Variants in SPRR2G observed in about 807,000 individuals in gnomAD.
SPRR2G encodes small proline-rich protein 2G.
In SPRR2G, 1 loss-of-function variant was observed where a neutral mutation model predicts 0.7. That is an observed-to-expected ratio of 1.49 (90% CI 0.53 to 7.06). The LOEUF is 7.06. Among genes scored for constraint, SPRR2G ranks in the 30% most tolerant of loss-of-function variants. The probability of loss-of-function intolerance (pLI) is 0.14; values close to 1 mark genes in which losing one functional copy is unlikely to be tolerated. For missense variants in SPRR2G, 96 were observed against 88.5 expected (o/e 1.09, Z -0.34); for synonymous variants, 38 against 33.9 (o/e 1.12, Z -0.42).
At chr1:153,199,957 A>T in the SPRR2G span, among the ~76,000 whole-genome samples, 1 of 152,116 alleles carries the variant, frequency 6.6e-6, no homozygotes, top group Non-Finnish European at 1.5e-5. Context: ...AGAAAAAGGC[A>T]TGGAAAAAAA....
the SPRR2G span, among the ~76,000 whole-genome samples, chr1:153,166,887 G>C: frequency 6.7e-6 from 1 of 150,178 alleles, no homozygotes; most frequent in East Asian, 2.0e-4. Flanking sequence ...GCAGTTAAAA[G>C]AACTGTAAAA....
Sources: allele counts gnomAD v4.1 joint callset (sites outside exome capture counted in the v4.1 genomes callset), GRCh38; gene constraint gnomAD v4.1.1; transcripts MANE v1.5; gene names NCBI Gene and HGNC (gene_info 2026-07-23, HGNC 2026-07-21).